The following AAAS variants were observed in gnomAD, a reference collection of about 807,000 sequenced individuals.
The protein encoded by AAAS is aladin.
AAAS carries 60 observed loss-of-function variants against 75.6 expected under a neutral mutation model. The ratio of observed to expected loss-of-function variants is 0.79; its 90% confidence interval spans 0.64 to 0.98. The LOEUF (loss-of-function observed/expected upper bound fraction) is 0.98, where lower values mean the gene tolerates loss of function less well. Ranked by LOEUF, AAAS falls within the 50% of genes least tolerant of loss-of-function variation. The probability of loss-of-function intolerance (pLI) is 0.00; values close to 1 mark genes in which losing one functional copy is unlikely to be tolerated. For synonymous variants in AAAS, 271 were observed against 265.0 expected (o/e 1.02, Z -0.22); for missense variants, 658 against 686.9 (o/e 0.96, Z 0.47).
chr12:53,314,735 G>A lies in AAAS; in HGVS notation c.545+16C>T. 6.2e-7 allele frequency: 1 copy of A among 1,610,696 alleles called. No individual in the cohort carries two copies. The highest frequency in any genetic ancestry group is 8.5e-7 in the Non-Finnish European group (1 of 1,178,200). On this transcript the variant is annotated intron_variant, in intron 6 of 15. Coordinates refer to ENST00000209873, the MANE Select transcript of AAAS (RefSeq NM_015665.6). ...ATATTGACAAGTCAGAGCCCACCTGGTGTCCCCACACACACCTGCTGGCAT... is the reference window on the plus strand; with the variant it reads ...ATATTGACAAGTCAGAGCCCACCTGATGTCCCCACACACACCTGCTGGCAT...
chr12:53,309,382 C>A, intron 8 of AAAS, 101 bp from the exon 9 acceptor site: 1 of 1,565,376 alleles, frequency 6.4e-7, no homozygotes, highest in Admixed American at 1.7e-5. Context: ...CGAGAGGAAG[C>A]GGGAGAGGGA....
intron 2 of AAAS, among the ~76,000 whole-genome samples, chr12:53,319,802 CAAAAAAAAAAA>C (rs11339214): frequency 1.0e-4 from 2 of 19,614 alleles, no homozygotes; most frequent in African/African-American, 3.3e-4. Flanking sequence ...GACTCCGTCT[CAAAAAAAAAAA>C]AAAAAAAAAA....
intron 12 of AAAS, 40 bp downstream of exon 12, chr12:53,308,395 A>G: frequency 6.2e-7 from 1 of 1,613,854 alleles, no homozygotes; most frequent in South Asian, 1.1e-5. Context: ...GGTCCCTCCC[A>G]CCTGCTTTTC....
rs748004231 is a variant in AAAS, at chr12:53,307,727, A to C, written c.1417-14T>G. The C allele has an allele frequency of 1.1e-5, 18 of 1,613,916 alleles. No homozygotes were observed. Among genetic ancestry groups the C allele is most frequent in the Non-Finnish European group, 1.3e-5 (15 of 1,179,994 alleles). ...TGTGGACCAGCCCTGCAGAGAAGGG[A>C]AAGAAAAGGATCAGAGTCTGGGCCC... On this transcript the variant is annotated splice_polypyrimidine_tract_variant and intron_variant, in intron 15 of 15. Coordinates refer to ENST00000209873, the MANE Select transcript of AAAS (RefSeq NM_015665.6).
At chr12:53,320,422 A>T in intron 2 of AAAS, 143 bp downstream of exon 2, 1 of 1,207,934 alleles carries the variant, frequency 8.3e-7, no homozygotes, top group Non-Finnish European at 1.2e-6. Context: ...AGGACTAAAA[A>T]TTTCATATGA....
At chr12:53,309,793 C>T (rs1196691145) in intron 7 of AAAS, 72 bp from the exon 8 acceptor site, 4 of 1,582,964 alleles carry the variant, frequency 2.5e-6, no homozygotes, top group Non-Finnish European at 1.7e-6. Context: ...ATTTCTTTGC[C>T]TCCTGCTAAA....
At chr12:53,313,155 CTTTTT>C (rs34324648) in intron 7 of AAAS, among the ~76,000 whole-genome samples, 5 of 62,564 alleles carry the variant, frequency 8.0e-5, no homozygotes, top group Admixed American at 2.0e-4. Flanking sequence ...CGCGCCTGGC[CTTTTT>C]TTTTTTTTTT....
At position 53,321,583 on chromosome 12, in the gene AAAS, A is replaced by T; in HGVS notation, c.-118T>A. 2 of 1,557,426 alleles carry T rather than the reference A, an allele frequency of 1.3e-6. No homozygotes were observed. The highest frequency in any genetic ancestry group is 1.8e-6 in the Non-Finnish European group (2 of 1,141,240). ...TATGCGGACGGGTACCGCAAGGGACAAACGGCGAGGCGGAACTCAACGGAA... is the reference window on the plus strand; with the variant it reads ...TATGCGGACGGGTACCGCAAGGGACTAACGGCGAGGCGGAACTCAACGGAA... On this transcript the variant is annotated 5_prime_UTR_variant, in exon 1 of 16. Coordinates refer to ENST00000209873, the MANE Select transcript of AAAS (RefSeq NM_015665.6).
rs747255153 is a variant in AAAS, at chr12:53,308,528, C to A, written c.1088G>T (p.Gly363Val). 6.2e-7 allele frequency: 1 copy of A among 1,614,202 alleles called. No individual in the cohort carries two copies. Among genetic ancestry groups the A allele is most frequent in the Non-Finnish European group, 8.5e-7 (1 of 1,180,046 alleles). The change falls in exon 12 of 16, where the codon GGT (glycine) becomes GTT (valine). Residue 363 changes from glycine (G) to valine (V), a missense_variant and splice_region_variant. Transcript: ENST00000209873. ...ACCTCCAACGCACCCCTTTCCCTCACCTGTGGACAAATAAGAGCAGAGAGG... is the reference window on the plus strand; with the variant it reads ...ACCTCCAACGCACCCCTTTCCCTCAACTGTGGACAAATAAGAGCAGAGAGG... The part of the protein sequence containing the change: ...IYSLSFPERC[G>V]EGKGCVGGAK...
At chr12:53,310,203 C>A (rs1944365244) in intron 7 of AAAS, among the ~76,000 whole-genome samples, 1 of 152,216 alleles carries the variant, frequency 6.6e-6, no homozygotes, top group Non-Finnish European at 1.5e-5. Context: ...CCAAACAGCC[C>A]TCCTGCCTTG....
At position 53,309,166 on chromosome 12, in the gene AAAS, G is replaced by A. The variant is rs1314780100; in HGVS notation, c.926C>T (p.Ala309Val). 1 of 1,614,210 alleles carries A rather than the reference G, an allele frequency of 6.2e-7. No individual in the cohort carries two copies. Reference sequence around the variant, plus strand: ...TCCTTGTCCCACTCACCGAAAGACAGCTGAAGGAGTGGTAGCCAGGATTTT... The same window carrying A: ...TCCTTGTCCCACTCACCGAAAGACAACTGAAGGAGTGGTAGCCAGGATTTT... ...GSKILATTPS[A>V]VFRVWEAQMW... Residue 309 changes from alanine (A) to valine (V), a missense_variant, in exon 9 of 16, where the codon GCT becomes GTT. Coordinates refer to ENST00000209873, the MANE Select transcript of AAAS (RefSeq NM_015665.6).
At chr12:53,311,919 C>T (rs10783567) in intron 7 of AAAS, among the ~76,000 whole-genome samples, 140,555 of 152,086 alleles carry the variant, frequency 0.92, 65,651 homozygotes, top group Non-Finnish European at 0.99. Context: ...TCCATCCCCC[C>T]CCAAAAAAAA....
Position 53,307,573 on chromosome 12 carries a change from A to G in AAAS, c.1557T>C (p.Thr519=), listed in dbSNP as rs112987708. Residue 519 remains threonine, a synonymous_variant, in exon 16 of 16, where the codon ACT becomes ACC. Coordinates refer to ENST00000209873, the MANE Select transcript of AAAS (RefSeq NM_015665.6). ...GGSIHDLPLF[T]ETSPTSAPWD... The stretch of plus-strand genomic sequence containing the variant: ...AAGGGGCAGAGGTTGGGGATGTCTC[A>G]GTAAAGAGGGGCAGGTCATGAATAG... 5,606 of 1,614,170 alleles carry G rather than the reference A, an allele frequency of 3.5e-3. 171 individuals carry two copies. In the African/African-American group the frequency reaches 0.067, roughly 19 times the overall value.
intron 2 of AAAS, among the ~76,000 whole-genome samples, chr12:53,317,141 AG>A (rs1944474551): frequency 1.3e-5 from 2 of 151,904 alleles, no homozygotes; most frequent in Non-Finnish European, 2.9e-5. Context: ...AATCTACTTC[AG>A]GGCCGGGTGC....
chr12:53,313,279 T>C (rs935269120), intron 7 of AAAS, among the ~76,000 whole-genome samples: 2 of 147,774 alleles, frequency 1.4e-5, no homozygotes, highest in African/African-American at 5.0e-5. Context: ...TTCTTGTGTC[T>C]CAGCCTCCCA....
chr12:53,318,245 C>CGTGTGT (rs1165918605), intron 2 of AAAS, among the ~76,000 whole-genome samples: 9 of 78,918 alleles, frequency 1.1e-4, no homozygotes, highest in East Asian at 3.6e-4. Flanking sequence ...TGTGTGTGTG[C>CGTGTGT]GTGTGTGTGT....
In AAAS at chr12:53,314,515, G is replaced by C. The variant is rs111686817; in HGVS notation, c.546-74C>G. 2.7e-3 allele frequency: 4,385 copies of C among 1,596,528 alleles called. 108 individuals are homozygous for C. The African/African-American group carries it at 0.053, about 19-fold the overall frequency. On this transcript the variant is annotated intron_variant, in intron 6 of 15. Transcript: ENST00000209873. ...CCAGGGACCAGAGTGCAGTTAAGGA[G>C]GGAAAGCCACAGAGAAGAAGGATGA...
chr12:53,319,090 T>C (rs1944512235), intron 2 of AAAS, among the ~76,000 whole-genome samples: 1 of 152,198 alleles, frequency 6.6e-6, no homozygotes, highest in African/African-American at 2.4e-5. Context: ...CAGAGGGCTA[T>C]TTGGAACAGC....
intron 2 of AAAS, among the ~76,000 whole-genome samples, chr12:53,317,577 AT>A (rs1397276752): frequency 3.3e-5 from 5 of 151,006 alleles, no homozygotes; most frequent in Non-Finnish European, 4.4e-5. Flanking sequence ...AACCAAAAAA[AT>A]AAAACAAAAC....
Sources: gnomAD v4.1 joint callset for allele counts (sites outside exome capture counted in the v4.1 genomes callset) on GRCh38, gnomAD v4.1.1 for gene constraint, MANE v1.5 for transcripts, NCBI Gene and HGNC (gene_info 2026-07-23, HGNC 2026-07-21) for gene names.